The following CREB5 variants were observed in gnomAD, a reference collection of about 807,000 sequenced individuals.
CREB5 encodes cAMP responsive element binding protein 5, also known as cyclic AMP-responsive element-binding protein 5.
CREB5 carries 19 observed loss-of-function variants against 57.1 expected under a neutral mutation model. That is an observed-to-expected ratio of 0.33 (90% CI 0.23 to 0.49). The LOEUF (loss-of-function observed/expected upper bound fraction) is 0.49. Among genes scored for constraint, CREB5 ranks in the 20% least tolerant of loss-of-function variants. CREB5 has a pLI of 0.99. For synonymous variants in CREB5, 238 were observed against 238.3 expected (o/e 1.00, Z 0.01); for missense variants, 579 against 671.6 (o/e 0.86, Z 1.52).
chr7:28,597,782 C>A (rs894600803), intron 5 of CREB5, among the ~76,000 whole-genome samples: 1 of 152,082 alleles, frequency 6.6e-6, no homozygotes, highest in African/African-American at 2.4e-5. Flanking sequence ...GATTCCCTCT[C>A]GAAGTGGGGA....
intron 5 of CREB5, among the ~76,000 whole-genome samples, chr7:28,600,945 C>T (rs1415020042): frequency 2.0e-5 from 3 of 152,208 alleles, no homozygotes; most frequent in East Asian, 1.9e-4. Context: ...CTAAGATTTT[C>T]GTAAAGGATC....
chr7:28,306,457 C>A (rs1785183746), intron 1 of CREB5, among the ~76,000 whole-genome samples: 1 of 143,698 alleles, frequency 7.0e-6, no homozygotes, highest in Admixed American at 7.0e-5. Context: ...GGTAGACTCC[C>A]AAATCAAAAA....
chr7:28,662,423 G>A (rs1404393729), intron 5 of CREB5, among the ~76,000 whole-genome samples: 1 of 152,184 alleles, frequency 6.6e-6, no homozygotes, highest in Non-Finnish European at 1.5e-5. Context: ...CGCAATGTGG[G>A]TTAAGTGCGC....
chr7:28,536,565 G>A (rs1793975258), intron 4 of CREB5, among the ~76,000 whole-genome samples: 1 of 152,188 alleles, frequency 6.6e-6, no homozygotes, highest in African/African-American at 2.4e-5. Flanking sequence ...GGCCAGCCTG[G>A]GGCTTGTGGA....
At chr7:28,496,770 C>T (rs368037512) in intron 3 of CREB5, among the ~76,000 whole-genome samples, 1 of 150,442 alleles carries the variant, frequency 6.6e-6, no homozygotes, top group Non-Finnish European at 1.5e-5. Flanking sequence ...ACCCACCACT[C>T]GCCACCTCTC....
At position 28,383,523 on chromosome 7, in the gene CREB5, G is replaced by A. The variant is rs186861978; in HGVS notation, c.-25+84082G>A. Among the ~76,000 whole-genome samples, 7 of 152,268 alleles carry A rather than the reference G, an allele frequency of 4.6e-5. No homozygotes were observed. The South Asian group carries it at 6.2e-4, about 14-fold the overall frequency. ...TGAGACCTCAGGAAGATTTAATGGC[G>A]GAAGGTGAAGTGGGTGGAAGGTGAA... On this transcript the variant is annotated intron_variant, in intron 1 of 9. Transcript: ENST00000396299.
At chr7:28,629,451 G>A (rs568321188) in intron 5 of CREB5, among the ~76,000 whole-genome samples, 1 of 152,320 alleles carries the variant, frequency 6.6e-6, no homozygotes, top group Admixed American at 6.5e-5. Context: ...GAGCAGAGAG[G>A]ATCTGGGGCA....
intron 7 of CREB5, among the ~76,000 whole-genome samples, chr7:28,789,436 T>TTAG (rs1807535163): frequency 6.6e-6 from 1 of 152,172 alleles, no homozygotes; most frequent in Non-Finnish European, 1.5e-5. Flanking sequence ...TCACTGGGGA[T>TTAG]GTCTTAGTTT....
At chr7:28,607,529 A>G (rs1797186053) in intron 5 of CREB5, among the ~76,000 whole-genome samples, 1 of 152,162 alleles carries the variant, frequency 6.6e-6, no homozygotes, top group African/African-American at 2.4e-5. Context: ...TGTGTGTTTC[A>G]CCATTTGCCT....
intron 5 of CREB5, among the ~76,000 whole-genome samples, chr7:28,601,745 A>C (rs1256150651): frequency 6.6e-6 from 1 of 152,208 alleles, no homozygotes; most frequent in East Asian, 1.9e-4. Flanking sequence ...TGAAAAAGTA[A>C]GCAAGGCAGA....
chr7:28,782,723 G>T (rs1807060572), intron 7 of CREB5, among the ~76,000 whole-genome samples: 1 of 152,168 alleles, frequency 6.6e-6, no homozygotes, highest in Non-Finnish European at 1.5e-5. Context: ...GGCATTTCTT[G>T]GGGGAAATTT....
chr7:28,472,925 C>T (rs370735036), intron 1 of CREB5, among the ~76,000 whole-genome samples: 72 of 152,184 alleles, frequency 4.7e-4, no homozygotes, highest in Non-Finnish European at 7.5e-4. Context: ...CTTTCAGTCC[C>T]TCAGACATGC....
intron 7 of CREB5, among the ~76,000 whole-genome samples, chr7:28,741,059 A>G (rs1804303738): frequency 6.7e-6 from 1 of 149,416 alleles, no homozygotes; most frequent in Admixed American, 6.7e-5. Context: ...AAGGTTGTTG[A>G]GTTACCAAAA....
intron 3 of CREB5, among the ~76,000 whole-genome samples, chr7:28,505,971 C>G (rs1792464193): frequency 6.6e-6 from 1 of 152,142 alleles, no homozygotes; most frequent in Admixed American, 6.5e-5. Flanking sequence ...TCACACATCC[C>G]TTATCTGTAA....
In CREB5 at chr7:28,360,077, G is replaced by A. The variant is rs377046781; in HGVS notation, c.-25+60636G>A. Among the ~76,000 whole-genome samples, 7 of 152,306 alleles carry A rather than the reference G, an allele frequency of 4.6e-5. No homozygotes were observed. In the East Asian group the frequency reaches 5.8e-4, roughly 13 times the overall value. ...ATTCTCAAAAGATGAAAGATAATAA[G>A]AGTTGGTGAGAATGTGGAGAGGGAA... is the stretch of plus-strand genomic sequence containing the variant. On this transcript the variant is annotated intron_variant, in intron 1 of 9. Transcript: ENST00000396299.
At chr7:28,567,056 A>G (rs752079468) in intron 4 of CREB5, among the ~76,000 whole-genome samples, 1 of 152,236 alleles carries the variant, frequency 6.6e-6, no homozygotes, top group African/African-American at 2.4e-5. Flanking sequence ...GTGCCGCAGC[A>G]TAAGTCAGTT....
intron 7 of CREB5, among the ~76,000 whole-genome samples, chr7:28,766,078 A>G (rs922459124): frequency 3.3e-5 from 3 of 90,514 alleles, no homozygotes; most frequent in Non-Finnish European, 7.9e-5. Context: ...GTCCTAATAC[A>G]CATCAACTAA....
chr7:28,776,579 A>C (rs1022883460), intron 7 of CREB5, among the ~76,000 whole-genome samples: 3 of 152,156 alleles, frequency 2.0e-5, no homozygotes, highest in Non-Finnish European at 4.4e-5. Flanking sequence ...CACTCTCTCA[A>C]AGTGCACAGT....
At chr7:28,632,699 C>T (rs1798249937) in intron 5 of CREB5, among the ~76,000 whole-genome samples, 1 of 152,174 alleles carries the variant, frequency 6.6e-6, no homozygotes, top group African/African-American at 2.4e-5. Flanking sequence ...GTTAAGGTCT[C>T]AGCTCCAGTG....
Sources: allele counts gnomAD v4.1 joint callset (sites outside exome capture counted in the v4.1 genomes callset), GRCh38; gene constraint gnomAD v4.1.1; transcripts MANE v1.5; gene names NCBI Gene and HGNC (gene_info 2026-07-23, HGNC 2026-07-21).